Variants in HIBCH observed in about 807,000 individuals in gnomAD.
HIBCH encodes the protein 3-hydroxyisobutyryl-CoA hydrolase, mitochondrial.
A neutral mutation model predicts 58.2 loss-of-function variants in HIBCH; 50 were observed. That is an observed-to-expected ratio of 0.86 (90% CI 0.68 to 1.09). The LOEUF (loss-of-function observed/expected upper bound fraction) is 1.09, where lower values mean the gene tolerates loss of function less well. HIBCH is among the 50% of genes least tolerant of loss of function. HIBCH has a pLI of 0.00. For synonymous variants in HIBCH, 151 were observed against 146.9 expected (o/e 1.03, Z -0.20); for missense variants, 450 against 449.7 (o/e 1.00, Z -0.01).
intron 8 of HIBCH, chr2:190,251,623 C>CTAT (rs1204582489): frequency 7.5e-6 from 3 of 398,416 alleles, no homozygotes; most frequent in Non-Finnish European, 1.5e-5. Flanking sequence ...CTCAAACTAT[C>CTAT]TATATATTCT....
At chr2:190,314,820 T>C (rs768307091) in intron 1 of HIBCH, among the ~76,000 whole-genome samples, 3 of 152,182 alleles carry the variant, frequency 2.0e-5, no homozygotes, top group Admixed American at 6.5e-5. Flanking sequence ...TAAAATTTGA[T>C]ATTAGCTTTT....
chr2:190,255,544 T>C (rs1686894909), intron 7 of HIBCH, among the ~76,000 whole-genome samples: 1 of 152,096 alleles, frequency 6.6e-6, no homozygotes, highest in African/African-American at 2.4e-5. Flanking sequence ...ACAGACACAA[T>C]ATATGGATCA....
chr2:190,302,706 C>G (rs1688298303), intron 2 of HIBCH, among the ~76,000 whole-genome samples: 1 of 152,144 alleles, frequency 6.6e-6, no homozygotes, highest in South Asian at 2.1e-4. Context: ...TGGCCAGGAA[C>G]TCATTTTTAA....
chr2:190,261,436 T>C (rs1163201004), intron 6 of HIBCH, among the ~76,000 whole-genome samples: 1 of 152,186 alleles, frequency 6.6e-6, no homozygotes, highest in Non-Finnish European at 1.5e-5. Context: ...TTCCCCTTTA[T>C]TAAACATTTA....
chr2:190,282,843 CA>C (rs58381283), intron 6 of HIBCH, among the ~76,000 whole-genome samples: 2,266 of 140,220 alleles, frequency 0.016, 52 homozygotes, highest in African/African-American at 0.055. Flanking sequence ...ACGAGAAGGC[CA>C]AAAAAAAAAA....
chr2:190,244,503 A>G (rs1489069567), intron 11 of HIBCH, among the ~76,000 whole-genome samples: 1 of 152,188 alleles, frequency 6.6e-6, no homozygotes, highest in Non-Finnish European at 1.5e-5. Flanking sequence ...GAATTTATAG[A>G]TCAATGTCCC....
chr2:190,270,240 C>G (rs1687353895), intron 6 of HIBCH, among the ~76,000 whole-genome samples: 1 of 146,792 alleles, frequency 6.8e-6, no homozygotes, highest in Non-Finnish European at 1.5e-5. Flanking sequence ...AAAAAATGTA[C>G]TAGTAAAAAT....
In HIBCH at chr2:190,294,020, G is replaced by GTATATATATATATA. The variant is rs1413194024; in HGVS notation, c.304+525_304+526insTATATATATATATA. 1.2e-3 allele frequency among the ~76,000 whole-genome samples: 154 copies of GTATATATATATATA among 125,766 alleles called. 1 individual carries two copies. The highest frequency in any genetic ancestry group is 3.3e-3 in the African/African-American group (111 of 33,572). The allele number at this position is 125,766 out of a possible 152,430, so 82.5% of individuals were successfully genotyped here. On this transcript the variant is annotated intron_variant, in intron 4 of 13. Transcript: ENST00000359678. Reference sequence around the variant, plus strand: ...ATATATTTTGTAATATATATTTTGTGTGTATATATATATATATATATATAT... The same window carrying GTATATATATATATA: ...ATATATTTTGTAATATATATTTTGTGTATATATATATATATGTATATATATATATATATATATAT...
chr2:190,255,528 A>G (rs1383699119), intron 7 of HIBCH, among the ~76,000 whole-genome samples: 1 of 152,232 alleles, frequency 6.6e-6, no homozygotes, highest in Non-Finnish European at 1.5e-5. Context: ...TGAAACAACT[A>G]TAAAAACAGA....
intron 1 of HIBCH, among the ~76,000 whole-genome samples, chr2:190,194,006 T>C (rs1264721704): frequency 6.6e-6 from 1 of 152,206 alleles, no homozygotes; most frequent in African/African-American, 2.4e-5. Context: ...GAAACTATAT[T>C]TTAATTTCTC....
intron 7 of HIBCH, 139 bp from the exon 8 acceptor site, chr2:190,252,446 T>C (rs1181411561): frequency 1.4e-6 from 1 of 736,442 alleles, no homozygotes; most frequent in Non-Finnish European, 2.4e-6. Flanking sequence ...CTAAGTACTA[T>C]ACACTGCAAT....
chr2:190,275,911 A>T (rs549149997), intron 6 of HIBCH, among the ~76,000 whole-genome samples: 1 of 152,348 alleles, frequency 6.6e-6, no homozygotes, highest in Non-Finnish European at 1.5e-5. Flanking sequence ...TTTCCATCCG[A>T]TGAGTGCCAA....
intron 6 of HIBCH, among the ~76,000 whole-genome samples, chr2:190,275,734 A>G (rs1346370008): frequency 6.6e-6 from 1 of 152,246 alleles, no homozygotes; most frequent in Non-Finnish European, 1.5e-5. Flanking sequence ...CAAGATGCCC[A>G]CAGTGGCAGA....
chr2:190,193,762 C>G (rs1312027330), intron 1 of HIBCH, among the ~76,000 whole-genome samples: 1 of 152,022 alleles, frequency 6.6e-6, no homozygotes, highest in Non-Finnish European at 1.5e-5. Flanking sequence ...TTTAAAGAAC[C>G]AGCATTCATT....
chr2:190,299,032 T>G (rs1688188463), intron 2 of HIBCH, among the ~76,000 whole-genome samples: 3 of 152,194 alleles, frequency 2.0e-5, no homozygotes, highest in African/African-American at 4.8e-5. Flanking sequence ...TTTTGTCAGG[T>G]TTGTTGAAGA....
chr2:190,251,348 T>C (rs1313224850), intron 8 of HIBCH: 1 of 175,428 alleles, frequency 5.7e-6, no homozygotes, highest in African/African-American at 2.4e-5. Context: ...GAGTGTGCAT[T>C]ACCTAGGATA....
At chr2:190,203,497 CTTAT>C (rs143227758), downstream of HIBCH, 346 of 163,338 alleles carry the variant, frequency 2.1e-3, 4 homozygotes, top group East Asian at 0.036. Flanking sequence ...AGTGTGAGCT[CTTAT>C]TTAACTGAAG....
chr2:190,305,406 G>A (rs1304518040), intron 2 of HIBCH, among the ~76,000 whole-genome samples: 5 of 152,092 alleles, frequency 3.3e-5, no homozygotes, highest in South Asian at 2.1e-4. Flanking sequence ...TTCTGGCTTC[G>A]GATAGTTCTC....
chr2:190,317,356 T>A (rs1688729568), intron 1 of HIBCH, among the ~76,000 whole-genome samples: 2 of 152,200 alleles, frequency 1.3e-5, no homozygotes, highest in African/African-American at 4.8e-5. Flanking sequence ...CCTTTCAGAC[T>A]CCAAGGGCCC....
Sources: allele counts gnomAD v4.1 joint callset (sites outside exome capture counted in the v4.1 genomes callset), GRCh38; gene constraint gnomAD v4.1.1; transcripts MANE v1.5; gene names NCBI Gene and HGNC (gene_info 2026-07-23, HGNC 2026-07-21).